The following NPAS3 variants were observed in gnomAD, a reference collection of about 807,000 sequenced individuals.
NPAS3 encodes neuronal PAS domain protein 3.
Under a neutral mutation model 73.1 loss-of-function variants are expected in NPAS3, and 14 were observed. The ratio of observed to expected loss-of-function variants is 0.19; its 90% CI spans 0.13 to 0.30. NPAS3 has a LOEUF of 0.30. NPAS3 is among the 10% of genes least tolerant of loss of function. NPAS3 has a pLI of 1.00. For synonymous variants in NPAS3, 620 were observed against 541.5 expected (o/e 1.14, Z -2.01); for missense variants, 1,096 against 1,250.0 (o/e 0.88, Z 1.86).
intron 5 of NPAS3, among the ~76,000 whole-genome samples, chr14:33,659,490 C>T (rs775417830): frequency 2.0e-5 from 3 of 152,186 alleles, no homozygotes; most frequent in Non-Finnish European, 2.9e-5. Flanking sequence ...TCTAGTCCAA[C>T]AAATGTACCT....
At chr14:33,740,390 C>T (rs1247981950) in intron 7 of NPAS3, among the ~76,000 whole-genome samples, 5 of 152,194 alleles carry the variant, frequency 3.3e-5, no homozygotes, top group Non-Finnish European at 7.3e-5. Context: ...CTTTGTTATC[C>T]TGTTTTCTTC....
At chr14:33,563,155 G>T (rs1030521003) in intron 5 of NPAS3, among the ~76,000 whole-genome samples, 8 of 152,176 alleles carry the variant, frequency 5.3e-5, no homozygotes, top group African/African-American at 1.9e-4. Context: ...AGCTATGTCT[G>T]TATTGCTAAC....
intron 4 of NPAS3, among the ~76,000 whole-genome samples, chr14:33,471,603 A>G (rs1202969214): frequency 2.0e-5 from 3 of 152,218 alleles, no homozygotes; most frequent in African/African-American, 4.8e-5. Flanking sequence ...TGTTTATGAT[A>G]CCATATTATA....
intron 2 of NPAS3, among the ~76,000 whole-genome samples, chr14:33,138,526 A>G (rs1406873821): frequency 6.6e-6 from 1 of 152,194 alleles, no homozygotes; most frequent in East Asian, 1.9e-4. Flanking sequence ...AAGTACATCC[A>G]TGCCCCAGCA....
At chr14:33,032,862 C>A (rs1000201779) in intron 1 of NPAS3, among the ~76,000 whole-genome samples, 1 of 152,144 alleles carries the variant, frequency 6.6e-6, no homozygotes, top group Non-Finnish European at 1.5e-5. Context: ...ACGATAAATG[C>A]GAAGTCCCAA....
intron 2 of NPAS3, among the ~76,000 whole-genome samples, chr14:33,206,324 T>G (rs2046821325): frequency 6.6e-6 from 1 of 152,190 alleles, no homozygotes; most frequent in Admixed American, 6.5e-5. Context: ...TTAATTTTCT[T>G]GTGAGACAGT....
rs58411120 is a variant in NPAS3 at position 33,328,446 on chromosome 14, C to CTTTTTTTTTTTTTTTTTTTTT, written c.386-38722_386-38702dup. 4.6e-4 allele frequency among the ~76,000 whole-genome samples: 23 copies of CTTTTTTTTTTTTTTTTTTTTT among 49,586 alleles called. 8 individuals carry two copies. Among genetic ancestry groups the CTTTTTTTTTTTTTTTTTTTTT allele is most frequent in the Non-Finnish European group, 7.1e-4 (19 of 26,760 alleles). The allele number at this position is 49,586 out of a possible 152,430, so 32.5% of individuals were successfully genotyped here. A position where few individuals can be genotyped will look rare whatever the true frequency, so the allele number is the denominator to read the frequency against. On this transcript the variant is annotated intron_variant, in intron 3 of 11. Transcript: ENST00000356141. ...TTTATCTTTCTTTTCCTTTTCTTTT[C>CTTTTTTTTTTTTTTTTTTTTT]TTTTTTTTTTTTTTTTTTTTTTTTT...
At chr14:33,730,137 C>T (rs2061365154) in intron 6 of NPAS3, among the ~76,000 whole-genome samples, 1 of 152,120 alleles carries the variant, frequency 6.6e-6, no homozygotes, top group South Asian at 2.1e-4. Flanking sequence ...AGGAGCCACA[C>T]TAAGTGCTAT....
chr14:33,729,652 C>T (rs961039619), intron 6 of NPAS3, among the ~76,000 whole-genome samples: 2 of 152,162 alleles, frequency 1.3e-5, no homozygotes, highest in African/African-American at 4.8e-5. Context: ...ATAAGACTGA[C>T]TGCCTAAGTG....
chr14:33,308,521 T>TACACACACACACAC (rs1195465509), intron 3 of NPAS3, among the ~76,000 whole-genome samples: 15 of 38,526 alleles, frequency 3.9e-4, no homozygotes, highest in African/African-American at 2.5e-3. Context: ...TATATATATA[T>TACACACACACACAC]ATATATACAT....
chr14:33,132,753 TTGAC>T (rs1484496093), intron 2 of NPAS3, among the ~76,000 whole-genome samples: 1 of 152,170 alleles, frequency 6.6e-6, no homozygotes, highest in Non-Finnish European at 1.5e-5. Context: ...TTAGGACAAT[TTGAC>T]TGAATCATCA....
intron 2 of NPAS3, among the ~76,000 whole-genome samples, chr14:33,191,952 G>A (rs1044792604): frequency 1.3e-5 from 2 of 152,172 alleles, no homozygotes; most frequent in Admixed American, 6.5e-5. Flanking sequence ...ATTTGCTGAT[G>A]TGTGTGTGGT....
intron 2 of NPAS3, among the ~76,000 whole-genome samples, chr14:33,071,718 T>G (rs183801357): frequency 6.6e-6 from 1 of 152,298 alleles, no homozygotes; most frequent in African/African-American, 2.4e-5. Context: ...TATGTATCAC[T>G]TAAGTGTTAA....
intron 1 of NPAS3, among the ~76,000 whole-genome samples, chr14:32,991,020 A>C (rs1463676842): frequency 1.3e-5 from 2 of 152,054 alleles, no homozygotes; most frequent in Non-Finnish European, 2.9e-5. Flanking sequence ...CTGGAGGCTT[A>C]TCAGGATCAA....
chr14:33,148,005 A>G (rs1400652607), intron 2 of NPAS3, among the ~76,000 whole-genome samples: 1 of 152,052 alleles, frequency 6.6e-6, no homozygotes, highest in Non-Finnish European at 1.5e-5. Flanking sequence ...CCAAATAGCA[A>G]GAAGCAGAGT....
At chr14:33,407,601 T>G (rs2047724473) in intron 4 of NPAS3, among the ~76,000 whole-genome samples, 1 of 152,146 alleles carries the variant, frequency 6.6e-6, no homozygotes, top group African/African-American at 2.4e-5. Flanking sequence ...TGATTCCTAG[T>G]CTATCATTCT....
intron 1 of NPAS3, among the ~76,000 whole-genome samples, chr14:32,956,284 T>C (rs1326281382): frequency 6.6e-6 from 1 of 152,166 alleles, no homozygotes; most frequent in Non-Finnish European, 1.5e-5. Context: ...TAGAACAGGT[T>C]ACAAAGAGGG....
chr14:33,782,076 A>AG (rs2062994982), intron 9 of NPAS3, among the ~76,000 whole-genome samples: 1 of 152,136 alleles, frequency 6.6e-6, no homozygotes, highest in African/African-American at 2.4e-5. Flanking sequence ...TCTAAAGCCT[A>AG]GGGAGTTCTA....
chr14:33,341,292 A>G (rs1594732671), intron 3 of NPAS3, among the ~76,000 whole-genome samples: 2 of 152,230 alleles, frequency 1.3e-5, no homozygotes, highest in South Asian at 4.1e-4. Flanking sequence ...TAACTTGGCC[A>G]TAAAAATTCT....
Sources: gnomAD v4.1 joint callset for allele counts (sites outside exome capture counted in the v4.1 genomes callset) on GRCh38, gnomAD v4.1.1 for gene constraint, MANE v1.5 for transcripts, NCBI Gene and HGNC (gene_info 2026-07-23, HGNC 2026-07-21) for gene names.